The following CMSS1 variants were observed in gnomAD, a reference collection of about 807,000 sequenced individuals.
The protein encoded by CMSS1 is cms1 ribosomal small subunit homolog.
Under a neutral mutation model 43.5 loss-of-function variants are expected in CMSS1, and 33 were observed. The ratio of observed to expected loss-of-function variants is 0.76; its 90% CI spans 0.57 to 1.01. The LOEUF (loss-of-function observed/expected upper bound fraction) is 1.01. CMSS1 is among the 50% of genes least tolerant of loss of function. The probability of loss-of-function intolerance (pLI) is 0.00; values close to 1 mark genes in which losing one functional copy is unlikely to be tolerated. For missense variants in CMSS1, 313 were observed against 326.4 expected (o/e 0.96, Z 0.32); for synonymous variants, 115 against 117.2 (o/e 0.98, Z 0.12).
intron 1 of CMSS1, among the ~76,000 whole-genome samples, chr3:99,887,170 A>C (rs1270713432): frequency 6.6e-6 from 1 of 151,866 alleles, no homozygotes; most frequent in African/African-American, 2.4e-5. Flanking sequence ...TCGAGAGGCT[A>C]ACAGGAGAAT....
chr3:99,875,604 CAG>C (rs529703439), intron 1 of CMSS1, among the ~76,000 whole-genome samples: 75 of 152,246 alleles, frequency 4.9e-4, no homozygotes, highest in African/African-American at 1.7e-3. Context: ...GTATTCCTAA[CAG>C]TGTTTTTCTA....
intron 1 of CMSS1, among the ~76,000 whole-genome samples, chr3:99,990,714 A>G (rs1044671160): frequency 2.0e-5 from 3 of 152,154 alleles, no homozygotes; most frequent in African/African-American, 7.2e-5. Context: ...TTGAAAACCC[A>G]TTTCCTATCA....
intron 1 of CMSS1, among the ~76,000 whole-genome samples, chr3:100,089,152 G>A (rs2066061908): frequency 6.6e-6 from 1 of 152,188 alleles, no homozygotes; most frequent in African/African-American, 2.4e-5. Context: ...AACATGAAGT[G>A]TCTAGACATA....
chr3:100,008,580 G>T (rs953051972), intron 1 of CMSS1, among the ~76,000 whole-genome samples: 5 of 152,162 alleles, frequency 3.3e-5, no homozygotes, highest in Admixed American at 6.5e-5. Flanking sequence ...ACAAAAAGAA[G>T]GACAATAGCA....
intron 3 of CMSS1, 125 bp downstream of exon 3, chr3:100,160,626 T>G (rs1291697557): frequency 3.4e-6 from 2 of 587,996 alleles, no homozygotes; most frequent in African/African-American, 1.9e-5. Context: ...TGTAAGATTC[T>G]TTGAGGTTTG....
At chr3:99,895,538 T>C (rs887126698) in intron 1 of CMSS1, among the ~76,000 whole-genome samples, 3 of 152,232 alleles carry the variant, frequency 2.0e-5, no homozygotes, top group African/African-American at 7.2e-5. Context: ...GTTTGCTAGA[T>C]ATAGTTTAGG....
chr3:100,009,257 A>G (rs1269643304), intron 1 of CMSS1, among the ~76,000 whole-genome samples: 3 of 152,192 alleles, frequency 2.0e-5, no homozygotes, highest in Non-Finnish European at 4.4e-5. Flanking sequence ...TATAAGATCT[A>G]TCTTCAGTTC....
intron 1 of CMSS1, among the ~76,000 whole-genome samples, chr3:99,861,075 C>A (rs192261422): frequency 6.6e-6 from 1 of 152,090 alleles, no homozygotes; most frequent in Admixed American, 6.5e-5. Flanking sequence ...TTTCCTCCCC[C>A]ACCCCCTGCT....
chr3:99,946,014 A>T (rs188529494), intron 1 of CMSS1, among the ~76,000 whole-genome samples: 2 of 152,276 alleles, frequency 1.3e-5, no homozygotes, highest in African/African-American at 4.8e-5. Flanking sequence ...CAGTTGGTAG[A>T]TGTATTTCTA....
At chr3:100,100,831 C>G (rs1372947998) in intron 1 of CMSS1, among the ~76,000 whole-genome samples, 1 of 152,076 alleles carries the variant, frequency 6.6e-6, no homozygotes, top group Non-Finnish European at 1.5e-5. Flanking sequence ...AGAAGGTGTC[C>G]TGGTGTCTTT....
At chr3:99,833,429 T>C (rs952036659) in intron 1 of CMSS1, among the ~76,000 whole-genome samples, 5 of 152,198 alleles carry the variant, frequency 3.3e-5, no homozygotes, top group African/African-American at 1.2e-4. Context: ...AAAAGAAGTA[T>C]GGAAAGGTGA....
In CMSS1 at chr3:99,822,970, T is replaced by C. The variant is rs6805771; in HGVS notation, c.64+4927T>C. 4.5e-3 allele frequency among the ~76,000 whole-genome samples: 678 copies of C among 152,300 alleles called. 6 individuals are homozygous for C. The highest frequency in any genetic ancestry group is 0.016 in the African/African-American group (665 of 41,548). On this transcript the variant is annotated intron_variant, in intron 1 of 9. Coordinates refer to ENST00000421999, the MANE Select transcript of CMSS1 (RefSeq NM_032359.4). Reference sequence around the variant, plus strand: ...AATTTAATTCACCCAATACTATCTATTTAATTGGTAAATAGGGGAGCTGTG... The same window carrying C: ...AATTTAATTCACCCAATACTATCTACTTAATTGGTAAATAGGGGAGCTGTG...
chr3:99,850,123 A>G, intron 1 of CMSS1: 2 of 1,612,598 alleles, frequency 1.2e-6, no homozygotes, highest in Non-Finnish European at 1.7e-6. Flanking sequence ...AGCAGCTTGT[A>G]ATTTATCTTC....
In CMSS1 at chr3:100,019,554, C is replaced by T. The variant is rs141494674; in HGVS notation, c.65-127419C>T. Among the ~76,000 whole-genome samples the T allele has an allele frequency of 3.2e-3, 481 of 152,098 alleles. 4 individuals are homozygous for T. The highest frequency in any genetic ancestry group is 0.01 in the African/African-American group (432 of 41,488). The stretch of plus-strand genomic sequence containing the variant: ...ATTTTTTAAAAGAGAAAAGTAAATA[C>T]GTAAAATTGTTCTATTTTAATGTAT... On this transcript the variant is annotated intron_variant, in intron 1 of 9. Coordinates refer to ENST00000421999, the MANE Select transcript of CMSS1 (RefSeq NM_032359.4).
chr3:100,153,786 A>G (rs1346695322), intron 2 of CMSS1, among the ~76,000 whole-genome samples: 1 of 152,068 alleles, frequency 6.6e-6, no homozygotes, highest in Non-Finnish European at 1.5e-5. Flanking sequence ...AGTTATACAA[A>G]TGTACCATTT....
intron 1 of CMSS1, among the ~76,000 whole-genome samples, chr3:100,103,740 T>G (rs955766048): frequency 1.3e-5 from 2 of 152,152 alleles, no homozygotes; most frequent in African/African-American, 4.8e-5. Context: ...AAGAAAACCT[T>G]TGGGTTTCAC....
Position 100,172,413 on chromosome 3 carries a change from G to A in CMSS1, c.667+10G>A. 1 of 1,606,834 alleles carries A rather than the reference G, an allele frequency of 6.2e-7. No homozygotes were observed. ...GAACTTGTTAAACAAGGTATGACAA[G>A]AGGGCAGTGATACTCTTGCCCAGGG... On this transcript the variant is annotated intron_variant, in intron 8 of 9. Coordinates refer to ENST00000421999, the MANE Select transcript of CMSS1 (RefSeq NM_032359.4).
At chr3:100,031,961 ATTTTATGTATT>A (rs1292009896) in intron 1 of CMSS1, among the ~76,000 whole-genome samples, 1 of 151,948 alleles carries the variant, frequency 6.6e-6, no homozygotes, top group Non-Finnish European at 1.5e-5. Context: ...TTAAATTTGA[ATTTTATGTATT>A]TTTCATGCAT....
chr3:99,990,734 G>A (rs1444426556), intron 1 of CMSS1, among the ~76,000 whole-genome samples: 3 of 151,584 alleles, frequency 2.0e-5, no homozygotes, highest in African/African-American at 4.8e-5. Context: ...AAGTGCCCAC[G>A]GGAGGAAAAA....
Sources: gnomAD v4.1 joint callset for allele counts (sites outside exome capture counted in the v4.1 genomes callset) on GRCh38, gnomAD v4.1.1 for gene constraint, MANE v1.5 for transcripts, NCBI Gene and HGNC (gene_info 2026-07-23, HGNC 2026-07-21) for gene names.